LPP: variants seen among roughly 807,000 people sequenced by gnomAD.
The protein encoded by LPP is lipoma-preferred partner.
In LPP, 38 loss-of-function variants were observed where a neutral mutation model predicts 60.4. The observed-to-expected ratio is 0.63, with a 90% CI of 0.49 to 0.83. LPP has a LOEUF of 0.83. Ranked by LOEUF, LPP falls within the 40% of genes least tolerant of loss-of-function variation. The pLI, the probability that LPP is intolerant of heterozygous loss-of-function variation, is 0.00. For missense variants in LPP, 902 were observed against 783.6 expected, an observed-to-expected ratio of 1.15 and a Z score of -1.80; for synonymous variants, 328 against 290.8, an observed-to-expected ratio of 1.13 and a Z score of -1.30.
intron 3 of LPP, among the ~76,000 whole-genome samples, chr3:188,387,727 C>T (rs764539714): frequency 3.9e-5 from 6 of 151,916 alleles, no homozygotes; most frequent in Admixed American, 1.3e-4. Flanking sequence ...CCACCACACC[C>T]GGCTAATTTT....
At chr3:188,262,002 G>C (rs1733823213) in intron 2 of LPP, among the ~76,000 whole-genome samples, 1 of 152,168 alleles carries the variant, frequency 6.6e-6, no homozygotes, top group Admixed American at 6.5e-5. Context: ...TAGAAAGGTT[G>C]TTTCTTAAGT....
At position 188,610,605 on chromosome 3, in the gene LPP, C is replaced by T. The variant is rs1027740830; in HGVS notation, c.1113+761C>T. 1.3e-5 allele frequency among the ~76,000 whole-genome samples: 2 copies of T among 152,196 alleles called. No individual in the cohort carries two copies. The highest frequency in any genetic ancestry group is 4.8e-5 in the African/African-American group (2 of 41,446). On this transcript the variant is annotated intron_variant, in intron 7 of 11. Coordinates refer to ENST00000617246, the MANE Select transcript of LPP (RefSeq NM_001375462.1). This position sits in a 1 kb window ranked among gnomAD's most constrained non-coding sequence, Gnocchi z 4.4. The stretch of plus-strand genomic sequence containing the variant: ...AAAAACTCCTTATGAGTGACAGTTA[C>T]TTCTTATTTGATTTAATTGTCCATA...
At chr3:188,329,187 A>T (rs1358327935) in intron 2 of LPP, among the ~76,000 whole-genome samples, 1 of 152,194 alleles carries the variant, frequency 6.6e-6, no homozygotes, top group East Asian at 1.9e-4. Context: ...CCTTCATTTG[A>T]CAGGAGAGGA....
chr3:188,422,913 TTG>T (rs10689970), intron 4 of LPP, among the ~76,000 whole-genome samples: 6,159 of 133,770 alleles, frequency 0.046, 197 homozygotes, highest in African/African-American at 0.099. Context: ...GGTGTCTTCT[TTG>T]TGTGTGTGTG....
At chr3:188,521,577 A>G (rs1818884941) in intron 5 of LPP, among the ~76,000 whole-genome samples, 2 of 152,196 alleles carry the variant, frequency 1.3e-5, no homozygotes, top group Admixed American at 1.3e-4. Context: ...CTCAAGAAGA[A>G]GAATAATTAA....
At chr3:188,795,389 A>G (rs1745032459) in intron 9 of LPP, among the ~76,000 whole-genome samples, 1 of 152,204 alleles carries the variant, frequency 6.6e-6, no homozygotes, top group African/African-American at 2.4e-5. Flanking sequence ...CGTGGGATTC[A>G]GAGACTCTGT....
At chr3:188,791,904 G>A (rs924462101) in intron 9 of LPP, among the ~76,000 whole-genome samples, 1 of 152,104 alleles carries the variant, frequency 6.6e-6, no homozygotes, top group African/African-American at 2.4e-5. Context: ...CTGTCCCCCT[G>A]TTGTGTTGAG....
intron 7 of LPP, among the ~76,000 whole-genome samples, chr3:188,679,832 C>G (rs1210867227): frequency 6.6e-6 from 1 of 152,138 alleles, no homozygotes. Flanking sequence ...AGGGTCATCA[C>G]CATGACCATC....
intron 2 of LPP, among the ~76,000 whole-genome samples, chr3:188,331,551 C>T (rs1191294036): frequency 6.6e-6 from 1 of 152,204 alleles, no homozygotes; most frequent in Non-Finnish European, 1.5e-5. Context: ...GACATGTCCC[C>T]AGATACTCAA....
chr3:188,407,780 GTTTGTTTGTTTTT>G (rs1783932168), intron 4 of LPP, among the ~76,000 whole-genome samples: 2 of 94,898 alleles, frequency 2.1e-5, no homozygotes, highest in Non-Finnish European at 4.1e-5. Flanking sequence ...TTTTTTTTTT[GTTTGTTTGTTTTT>G]TTTTTTTTTT....
chr3:188,636,368 C>T (rs1254536513), intron 7 of LPP, among the ~76,000 whole-genome samples: 1 of 152,190 alleles, frequency 6.6e-6, no homozygotes, highest in African/African-American at 2.4e-5. Flanking sequence ...AAACGGTGCA[C>T]CACGAGATTA....
At chr3:188,455,588 T>C (rs1481237116) in intron 4 of LPP, among the ~76,000 whole-genome samples, 1 of 152,198 alleles carries the variant, frequency 6.6e-6, no homozygotes, top group Non-Finnish European at 1.5e-5. Context: ...GAGACTGTGA[T>C]TGAAAACAGT....
intron 1 of LPP, among the ~76,000 whole-genome samples, chr3:188,194,294 A>G (rs778125847): frequency 6.6e-6 from 1 of 152,248 alleles, no homozygotes; most frequent in Non-Finnish European, 1.5e-5. Context: ...CACCTTTTCT[A>G]ATTTCCCAGA....
At chr3:188,382,267 T>C (rs1326665100) in intron 3 of LPP, among the ~76,000 whole-genome samples, 3 of 152,214 alleles carry the variant, frequency 2.0e-5, no homozygotes, top group Non-Finnish European at 4.4e-5. Context: ...GTGAATTGTG[T>C]GTTTGTACAG....
rs531524027 is a variant in LPP at position 188,573,074 on chromosome 3, T to C, written c.430-36087T>C. ...AATAAGTTTGTAATAGTAATAATGG[T>C]TGACAATCATTGTGTGCTTCTTAGT... On this transcript the variant is annotated intron_variant, in intron 6 of 11. Coordinates refer to ENST00000617246, the MANE Select transcript of LPP (RefSeq NM_001375462.1). 4.6e-5 allele frequency among the ~76,000 whole-genome samples: 7 copies of C among 152,226 alleles called. No individual in the cohort carries two copies. In the South Asian group the frequency reaches 1.5e-3, roughly 32 times the overall value.
At chr3:188,619,676 A>G (rs1324410235) in intron 7 of LPP, among the ~76,000 whole-genome samples, 1 of 152,272 alleles carries the variant, frequency 6.6e-6, no homozygotes, top group African/African-American at 2.4e-5. Flanking sequence ...TTTTCTGTAT[A>G]TCATTTTACA....
chr3:188,777,862 C>A (rs974605725), intron 9 of LPP, among the ~76,000 whole-genome samples: 2 of 152,094 alleles, frequency 1.3e-5, no homozygotes, highest in African/African-American at 2.4e-5. Context: ...AAATAGATAT[C>A]TTTTTAGTGA....
At chr3:188,278,427 A>ATG (rs1740767947) in intron 2 of LPP, among the ~76,000 whole-genome samples, 1 of 152,150 alleles carries the variant, frequency 6.6e-6, no homozygotes, top group African/African-American at 2.4e-5. Context: ...TCTTCCTCCC[A>ATG]TGGCACCTGC....
At chr3:188,263,224 A>G (rs1388493331) in intron 2 of LPP, among the ~76,000 whole-genome samples, 1 of 152,146 alleles carries the variant, frequency 6.6e-6, no homozygotes, top group Non-Finnish European at 1.5e-5. Context: ...CTGTTGGACT[A>G]TGTACATAAC....
Sources: gnomAD v4.1 joint callset for allele counts (sites outside exome capture counted in the v4.1 genomes callset) on GRCh38, gnomAD v4.1.1 for gene constraint, Gnocchi (gnomAD v3.1) non-coding constraint, MANE v1.5 for transcripts, NCBI Gene and HGNC (gene_info 2026-07-23, HGNC 2026-07-21) for gene names.